AKT3: variants seen among roughly 807,000 people sequenced by gnomAD.
The protein encoded by AKT3 is RAC-gamma serine/threonine-protein kinase.
Under a neutral mutation model 65.3 loss-of-function variants are expected in AKT3, and 15 were observed. That is an observed-to-expected ratio of 0.23 (90% CI 0.15 to 0.35). The LOEUF (loss-of-function observed/expected upper bound fraction) is 0.35, where lower values mean the gene tolerates loss of function less well. Ranked by LOEUF, AKT3 falls within the 10% of genes least tolerant of loss-of-function variation. The pLI, the probability that AKT3 is intolerant of heterozygous loss-of-function variation, is 1.00. For synonymous variants in AKT3, 206 were observed against 183.8 expected (o/e 1.12, Z -0.98); for missense variants, 243 against 576.5 (o/e 0.42, Z 5.92).
At chr1:243,840,950 T>C (rs1281395319) in intron 2 of AKT3, among the ~76,000 whole-genome samples, 2 of 151,326 alleles carry the variant, frequency 1.3e-5, no homozygotes, top group South Asian at 2.1e-4. Flanking sequence ...GATGAGACAA[T>C]TAAAAATAGG....
In AKT3 at chr1:243,842,921, A is replaced by G. The variant is rs1277836398; in HGVS notation, c.46+204T>C. Among the ~76,000 whole-genome samples the G allele has an allele frequency of 4.6e-5, 7 of 152,228 alleles. No individual in the cohort carries two copies. In the East Asian group the frequency reaches 1.3e-3, roughly 29 times the overall value. On this transcript the variant is annotated intron_variant, in intron 2 of 13. Coordinates refer to ENST00000673466, the MANE Select transcript of AKT3 (RefSeq NM_005465.7). Reference sequence around the variant, plus strand: ...AGAAAGTCAAACCTAACTTAACTAGATTATAAATGCTCAAAATCAAGAATT... The same window carrying G: ...AGAAAGTCAAACCTAACTTAACTAGGTTATAAATGCTCAAAATCAAGAATT...
chr1:243,516,196 AG>A (rs1429005948), intron 12 of AKT3, among the ~76,000 whole-genome samples: 2 of 152,228 alleles, frequency 1.3e-5, no homozygotes, highest in African/African-American at 4.8e-5. Flanking sequence ...AGCAGGTACA[AG>A]GCTATTCATG....
intron 4 of AKT3, among the ~76,000 whole-genome samples, chr1:243,659,379 T>C (rs1682092679): frequency 1.3e-5 from 2 of 152,198 alleles, no homozygotes; most frequent in African/African-American, 2.4e-5. Flanking sequence ...TACTCTATTA[T>C]ACCCTTAAAA....
chr1:243,527,189 T>C (rs13376709), intron 12 of AKT3, among the ~76,000 whole-genome samples: 79,947 of 152,024 alleles, frequency 0.53, 24,951 homozygotes, highest in Non-Finnish European at 0.68. Flanking sequence ...CATTATTTCA[T>C]TGAGGCCTCT....
intron 8 of AKT3, among the ~76,000 whole-genome samples, chr1:243,591,193 C>T (rs1052722756): frequency 1.3e-5 from 2 of 152,066 alleles, no homozygotes; most frequent in African/African-American, 4.8e-5. Context: ...GGAAAAGCTA[C>T]GGAAAGAGCC....
intron 3 of AKT3, among the ~76,000 whole-genome samples, chr1:243,673,989 C>T (rs1035492939): frequency 6.6e-6 from 1 of 152,168 alleles, no homozygotes; most frequent in Non-Finnish European, 1.5e-5. Flanking sequence ...AACAATTCAA[C>T]AAGAATGTAC....
intron 2 of AKT3, among the ~76,000 whole-genome samples, chr1:243,749,610 G>A (rs1423126656): frequency 1.3e-5 from 2 of 152,122 alleles, no homozygotes; most frequent in Admixed American, 1.3e-4. Flanking sequence ...ATTTGATTAT[G>A]TCAAATGATG....
At chr1:243,647,828 G>C (rs1306132369) in intron 4 of AKT3, among the ~76,000 whole-genome samples, 2 of 152,192 alleles carry the variant, frequency 1.3e-5, no homozygotes, top group East Asian at 3.8e-4. Context: ...TGTTTCACAA[G>C]TTAGGAATAA....
Position 243,850,065 on chromosome 1 carries a change from G to C in AKT3, c.-138C>G, listed in dbSNP as rs112641859. On this transcript the variant is annotated 5_prime_UTR_variant, in exon 1 of 14. Coordinates refer to ENST00000673466, the MANE Select transcript of AKT3 (RefSeq NM_005465.7). ...CTGCAACGGCGGCGGCGGCGGTGGC[G>C]GCCCCGCAGCTGCTCGGGCGGCGGC... 1.0e-6 allele frequency: 1 copy of C among 973,658 alleles called. No homozygotes were observed. The allele number at this position is 973,658 out of a possible 1,614,324, so 60.3% of individuals were successfully genotyped here.
intron 3 of AKT3, among the ~76,000 whole-genome samples, chr1:243,686,048 G>A (rs1465561271): frequency 6.6e-6 from 1 of 152,104 alleles, no homozygotes; most frequent in Admixed American, 6.6e-5. Context: ...CAACTTACAA[G>A]GGATGTGAAG....
chr1:243,508,982 C>A (rs1331238637), intron 13 of AKT3, among the ~76,000 whole-genome samples: 1 of 152,076 alleles, frequency 6.6e-6, no homozygotes, highest in Admixed American at 6.6e-5. Context: ...AAAAGCCAGA[C>A]TTTTGTGGTC....
chr1:243,778,968 C>T (rs984545246), intron 2 of AKT3, among the ~76,000 whole-genome samples: 13 of 150,864 alleles, frequency 8.6e-5, no homozygotes, highest in African/African-American at 2.7e-4. Context: ...CATTCTTTTT[C>T]GACTATGTAA....
At chr1:243,544,691 G>A (rs935510401) in intron 12 of AKT3, among the ~76,000 whole-genome samples, 2 of 65,700 alleles carry the variant, frequency 3.0e-5, no homozygotes, top group South Asian at 1.4e-3. Flanking sequence ...ATTAGTAGTG[G>A]TTTTTTGTTT....
At chr1:243,637,825 C>T (rs916544698) in intron 5 of AKT3, 83 bp from the exon 6 acceptor site, 6 of 907,170 alleles carry the variant, frequency 6.6e-6, no homozygotes, top group Admixed American at 3.6e-5. Flanking sequence ...TTTGCAATAT[C>T]CACTCAAAAC....
intron 2 of AKT3, among the ~76,000 whole-genome samples, chr1:243,828,777 A>T (rs1481054513): frequency 6.6e-6 from 1 of 152,112 alleles, no homozygotes; most frequent in Non-Finnish European, 1.5e-5. Context: ...GTCAAAAGTG[A>T]TTTGCGCATT....
rs530500986 is a variant in AKT3, at chr1:243,620,734, T to G, written c.562-5573A>C. Among the ~76,000 whole-genome samples, 3 of 152,260 alleles carry G rather than the reference T, an allele frequency of 2.0e-5. No individual in the cohort carries two copies. In the South Asian group the frequency reaches 6.2e-4, roughly 32 times the overall value. ...CTTGATGGAGATGAAAGCACCGTTG[T>G]TCTCTGTTAACTACAAACATTATTG... is the stretch of plus-strand genomic sequence containing the variant. On this transcript the variant is annotated intron_variant, in intron 6 of 13. Transcript: ENST00000673466.
intron 8 of AKT3, among the ~76,000 whole-genome samples, chr1:243,599,391 G>A (rs901379518): frequency 2.6e-5 from 4 of 152,032 alleles, no homozygotes; most frequent in African/African-American, 7.2e-5. Context: ...TATTGTAAAG[G>A]TTAAAAAATA....
At chr1:243,611,759 A>G (rs143038579) in intron 8 of AKT3, among the ~76,000 whole-genome samples, 36 of 152,042 alleles carry the variant, frequency 2.4e-4, no homozygotes, top group African/African-American at 8.2e-4. Flanking sequence ...ATCTTACTGC[A>G]AGGGCCCAGT....
At chr1:243,548,958 T>A (rs1172892526) in intron 11 of AKT3, among the ~76,000 whole-genome samples, 1 of 152,204 alleles carries the variant, frequency 6.6e-6, no homozygotes, top group Non-Finnish European at 1.5e-5. Flanking sequence ...TATCATTACT[T>A]ATGTTTCCAA....
Sources: gnomAD v4.1 joint callset for allele counts (sites outside exome capture counted in the v4.1 genomes callset) on GRCh38, gnomAD v4.1.1 for gene constraint, MANE v1.5 for transcripts, NCBI Gene and HGNC (gene_info 2026-07-23, HGNC 2026-07-21) for gene names.